Variants in STIM1 observed in about 807,000 individuals in gnomAD.
STIM1 encodes stromal interaction molecule 1.
STIM1 carries 25 observed loss-of-function variants against 74.7 expected under a neutral mutation model. The ratio of observed to expected loss-of-function variants is 0.33; its 90% CI spans 0.24 to 0.47. The LOEUF is 0.47. Among genes scored for constraint, STIM1 ranks in the 20% least tolerant of loss-of-function variants. The probability of loss-of-function intolerance (pLI) is 1.00; values close to 1 mark genes in which losing one functional copy is unlikely to be tolerated. For missense variants in STIM1, 728 were observed against 920.8 expected (o/e 0.79, Z 2.71); for synonymous variants, 328 against 348.8 (o/e 0.94, Z 0.66).
intron 1 of STIM1, among the ~76,000 whole-genome samples, chr11:3,960,034 A>G (rs1023087488): frequency 6.6e-6 from 1 of 152,246 alleles, no homozygotes; most frequent in Non-Finnish European, 1.5e-5. Flanking sequence ...CCATGAGTTC[A>G]TGCCTTTTAG....
chr11:3,984,145 T>A (rs1315150983), intron 2 of STIM1, among the ~76,000 whole-genome samples: 2 of 152,144 alleles, frequency 1.3e-5, no homozygotes, highest in African/African-American at 4.8e-5. Flanking sequence ...GGACTACAGG[T>A]GTGAGCAACC....
chr11:3,914,151 T>C (rs1247392968), intron 1 of STIM1, among the ~76,000 whole-genome samples: 1 of 152,222 alleles, frequency 6.6e-6, no homozygotes, highest in Non-Finnish European at 1.5e-5. Flanking sequence ...TGCTAGCCTT[T>C]GTTAACTTCC....
rs114912307 is a variant in STIM1, at chr11:4,089,216, C to G, written c.1635-2066C>G. ...CCAGCCTGGGCAACAGAGCAAGACCCTGTCAATAAATAAATAAATAAAAAG... is the reference window on the plus strand; with the variant it reads ...CCAGCCTGGGCAACAGAGCAAGACCGTGTCAATAAATAAATAAATAAAAAG... On this transcript the variant is annotated intron_variant, in intron 12 of 12. Transcript: ENST00000526596. 592 of 164,248 alleles carry G rather than the reference C, an allele frequency of 3.6e-3. 4 individuals are homozygous for G. Among genetic ancestry groups the G allele is most frequent in the African/African-American group, 0.013 (555 of 41,956 alleles). 10.2% of individuals were successfully genotyped at this position (164,248 alleles called of 1,614,324 possible). A position where few individuals can be genotyped will look rare whatever the true frequency, so the allele number is the denominator to read the frequency against.
chr11:4,021,440 T>C (rs2093955098), intron 2 of STIM1, among the ~76,000 whole-genome samples: 1 of 152,240 alleles, frequency 6.6e-6, no homozygotes, highest in Non-Finnish European at 1.5e-5. Flanking sequence ...GTACAGTTTA[T>C]TGAAGAGATT....
At chr11:3,904,724 T>TTA (rs2092433770) in intron 1 of STIM1, among the ~76,000 whole-genome samples, 1 of 152,082 alleles carries the variant, frequency 6.6e-6, no homozygotes, top group Non-Finnish European at 1.5e-5. Context: ...GGAGGCAGTG[T>TTA]TAGGTGACTG....
At chr11:3,895,614 CTTTCTTTCTTTCTTT>C (rs2092048105) in intron 1 of STIM1, among the ~76,000 whole-genome samples, 2 of 62,372 alleles carry the variant, frequency 3.2e-5, no homozygotes, top group Admixed American at 1.5e-4. Context: ...CTCTCTCTTT[CTTTCTTTCTTTCTTT>C]CTTTCTTTCT....
chr11:3,995,795 C>T (rs1184181522), intron 2 of STIM1, among the ~76,000 whole-genome samples: 1 of 148,768 alleles, frequency 6.7e-6, no homozygotes, highest in Non-Finnish European at 1.5e-5. Flanking sequence ...CAGGTGTGTG[C>T]TACTACACCT....
chr11:3,906,003 T>C (rs2092459799), intron 1 of STIM1, among the ~76,000 whole-genome samples: 1 of 152,220 alleles, frequency 6.6e-6, no homozygotes, highest in African/African-American at 2.4e-5. Context: ...CCAGTGGCTC[T>C]GGTGGTTTCA....
intron 1 of STIM1, among the ~76,000 whole-genome samples, chr11:3,861,279 G>A (rs547145021): frequency 7.3e-4 from 110 of 151,312 alleles, no homozygotes; most frequent in Non-Finnish European, 1.3e-3. Flanking sequence ...TGTTGCCCAG[G>A]CTGGAGTGCA....
chr11:4,020,386 T>A (rs2093944584), intron 2 of STIM1, among the ~76,000 whole-genome samples: 1 of 152,194 alleles, frequency 6.6e-6, no homozygotes, highest in Non-Finnish European at 1.5e-5. Context: ...CTGTTTTATA[T>A]GGTGACTGTA....
chr11:3,990,935 G>C (rs1247391493), intron 2 of STIM1, among the ~76,000 whole-genome samples: 1 of 152,094 alleles, frequency 6.6e-6, no homozygotes, highest in Non-Finnish European at 1.5e-5. Flanking sequence ...AGCATCCAAT[G>C]GGAATTTTTT....
intron 1 of STIM1, among the ~76,000 whole-genome samples, chr11:3,936,282 A>G (rs1400016130): frequency 6.6e-6 from 1 of 152,186 alleles, no homozygotes; most frequent in Non-Finnish European, 1.5e-5. Flanking sequence ...GCTACCTTTC[A>G]TCTCTCAATT....
chr11:4,067,653 C>T (rs1158611676), intron 5 of STIM1, among the ~76,000 whole-genome samples: 1 of 152,200 alleles, frequency 6.6e-6, no homozygotes, highest in Non-Finnish European at 1.5e-5. Context: ...CCTTACAGAG[C>T]CTCAGTTTCT....
intron 2 of STIM1, among the ~76,000 whole-genome samples, chr11:3,979,144 A>T (rs1044349737): frequency 3.9e-5 from 6 of 152,188 alleles, no homozygotes; most frequent in Non-Finnish European, 4.4e-5. Context: ...GCCAAATTAG[A>T]TGAAGATTAA....
At chr11:3,983,272 T>G (rs1219165358) in intron 2 of STIM1, among the ~76,000 whole-genome samples, 1 of 152,188 alleles carries the variant, frequency 6.6e-6, no homozygotes, top group South Asian at 2.1e-4. Flanking sequence ...TTGATAGAGA[T>G]GCAGTGGTGC....
rs1397534785 is a variant in STIM1, at chr11:4,082,869, C to T, written c.1138-13C>T. 3 of 1,612,690 alleles carry T rather than the reference C, an allele frequency of 1.9e-6. No individual in the cohort carries two copies. The highest frequency in any genetic ancestry group is 1.7e-5 in the Admixed American group (1 of 60,018). ...TCCCTGCTCTTTTTGAGCTGGGGGCCTCATCTTTGCAGGCTGAGAAGATAA... is the reference window on the plus strand; with the variant it reads ...TCCCTGCTCTTTTTGAGCTGGGGGCTTCATCTTTGCAGGCTGAGAAGATAA... On this transcript the variant is annotated splice_polypyrimidine_tract_variant and intron_variant, in intron 8 of 12. Transcript: ENST00000526596.
chr11:4,086,601 G>C (rs566291713), intron 12 of STIM1, 58 bp downstream of exon 12: 5 of 1,608,076 alleles, frequency 3.1e-6, no homozygotes, highest in Non-Finnish European at 4.2e-6. Context: ...TGCGGCGAAT[G>C]CGCAGCCTTT....
chr11:4,051,073 A>T (rs1171952175), intron 3 of STIM1, among the ~76,000 whole-genome samples: 1 of 151,836 alleles, frequency 6.6e-6, no homozygotes, highest in East Asian at 1.9e-4. Flanking sequence ...AAGCAGGCAC[A>T]CTCAGTATAC....
intron 1 of STIM1, among the ~76,000 whole-genome samples, chr11:3,906,008 G>A (rs2092459925): frequency 6.6e-6 from 1 of 152,188 alleles, no homozygotes; most frequent in African/African-American, 2.4e-5. Context: ...GGCTCTGGTG[G>A]TTTCAGGCTT....
Sources: gnomAD v4.1 joint callset for allele counts (sites outside exome capture counted in the v4.1 genomes callset) on GRCh38, gnomAD v4.1.1 for gene constraint, MANE v1.5 for transcripts, NCBI Gene and HGNC (gene_info 2026-07-23, HGNC 2026-07-21) for gene names.